L3MBTL3: variants seen among roughly 807,000 people sequenced by gnomAD.
L3MBTL3 encodes L3MBTL histone methyl-lysine binding protein 3.
Under a neutral mutation model 102.3 loss-of-function variants are expected in L3MBTL3, and 27 were observed. That is an observed-to-expected ratio of 0.26 (90% CI 0.19 to 0.36). The LOEUF (loss-of-function observed/expected upper bound fraction) is 0.36, where lower values mean the gene tolerates loss of function less well. Ranked by LOEUF, L3MBTL3 falls within the 10% of genes least tolerant of loss-of-function variation. The pLI, the probability that L3MBTL3 is intolerant of heterozygous loss-of-function variation, is 1.00. For missense variants in L3MBTL3, 798 were observed against 955.3 expected (o/e 0.84, Z 2.17); for synonymous variants, 340 against 320.9 (o/e 1.06, Z -0.64).
rs529686966 is a variant in L3MBTL3 at position 130,141,401 on chromosome 6, G to T, written c.*1648G>T. The T allele has an allele frequency of 6.6e-6, 1 of 152,246 alleles. No individual in the cohort carries two copies. The highest frequency in any genetic ancestry group is 1.9e-4 in the East Asian group (1 of 5,182). 9.4% of individuals were successfully genotyped at this position (152,246 alleles called of 1,614,324 possible). ...GAATTTGTACATTCAAGTTGTACTT[G>T]TTATATCTGACATGAATGAAATAAA... is the stretch of plus-strand genomic sequence containing the variant. On this transcript the variant is annotated 3_prime_UTR_variant, in exon 23 of 23. Coordinates refer to ENST00000361794, the MANE Select transcript of L3MBTL3 (RefSeq NM_032438.4).
chr6:130,031,632 T>G (rs1375114150), intron 2 of L3MBTL3, among the ~76,000 whole-genome samples: 1 of 152,162 alleles, frequency 6.6e-6, no homozygotes, highest in African/African-American at 2.4e-5. Flanking sequence ...TAGTCTTGTT[T>G]AAGTGCAATC....
At chr6:130,078,789 T>G (rs1584386645) in intron 14 of L3MBTL3, among the ~76,000 whole-genome samples, 155 bp downstream of exon 14, 1 of 152,190 alleles carries the variant, frequency 6.6e-6, no homozygotes, top group Non-Finnish European at 1.5e-5. Context: ...AAAACAGCCA[T>G]AGACAATAGG....
intron 1 of L3MBTL3, among the ~76,000 whole-genome samples, chr6:130,021,131 G>C (rs1778986044): frequency 6.6e-6 from 1 of 152,212 alleles, no homozygotes; most frequent in African/African-American, 2.4e-5. Flanking sequence ...CAAGTTTTTA[G>C]AAAAACACTG....
At chr6:130,060,787 TGA>T (rs1279369892) in intron 10 of L3MBTL3, among the ~76,000 whole-genome samples, 1 of 152,102 alleles carries the variant, frequency 6.6e-6, no homozygotes, top group African/African-American at 2.4e-5. Flanking sequence ...CATATATTAC[TGA>T]GAGTACTTTA....
At chr6:130,079,645 A>G (rs772999644) in intron 14 of L3MBTL3, among the ~76,000 whole-genome samples, 4 of 152,144 alleles carry the variant, frequency 2.6e-5, no homozygotes, top group Admixed American at 6.5e-5. Context: ...AGAGAGGATG[A>G]GTCCTGGGTT....
intron 13 of L3MBTL3, among the ~76,000 whole-genome samples, chr6:130,075,510 A>G (rs1367364052): frequency 2.0e-5 from 3 of 152,226 alleles, no homozygotes; most frequent in African/African-American, 4.8e-5. Context: ...GGGATTGATA[A>G]TAATACCTGT....
At chr6:130,057,305 G>T in intron 8 of L3MBTL3, 101 bp from the exon 9 acceptor site, 1 of 859,756 alleles carries the variant, frequency 1.2e-6, no homozygotes, top group Non-Finnish European at 1.9e-6. Context: ...AGTCAGAGAA[G>T]AGCCAGGCAG....
intron 14 of L3MBTL3, among the ~76,000 whole-genome samples, chr6:130,082,663 A>C (rs1196768234): frequency 6.6e-6 from 1 of 152,124 alleles, no homozygotes; most frequent in Non-Finnish European, 1.5e-5. Flanking sequence ...CCATTTCTTC[A>C]AGGTTCCGTG....
At chr6:130,100,198 G>A (rs115145178) in intron 18 of L3MBTL3, among the ~76,000 whole-genome samples, 1,564 of 152,276 alleles carry the variant, frequency 0.01, 18 homozygotes, top group African/African-American at 0.035. Flanking sequence ...CCTGGGTAAT[G>A]CACTTAATCC....
chr6:130,026,618 G>A (rs1409578977), intron 2 of L3MBTL3, among the ~76,000 whole-genome samples: 1 of 151,374 alleles, frequency 6.6e-6, no homozygotes, highest in African/African-American at 2.4e-5. Context: ...ATTGAGAAAA[G>A]ACCAATTATT....
At chr6:130,077,886 A>G (rs1783059016) in intron 13 of L3MBTL3, among the ~76,000 whole-genome samples, 2 of 152,166 alleles carry the variant, frequency 1.3e-5, no homozygotes, top group African/African-American at 4.8e-5. Context: ...CTCGGGTTCC[A>G]TATGATGTTA....
chr6:130,050,778 G>C (rs1781045859), intron 5 of L3MBTL3, among the ~76,000 whole-genome samples: 1 of 152,182 alleles, frequency 6.6e-6, no homozygotes, highest in Non-Finnish European at 1.5e-5. Flanking sequence ...AATTTGGATA[G>C]CTATGAGTCA....
At chr6:130,096,668 G>A (rs1272783690) in intron 18 of L3MBTL3, among the ~76,000 whole-genome samples, 1 of 152,154 alleles carries the variant, frequency 6.6e-6, no homozygotes, top group Non-Finnish European at 1.5e-5. Flanking sequence ...TTCCCCAAGT[G>A]TGCAGGTGGA....
At chr6:130,052,797 A>G (rs1584327332) in intron 6 of L3MBTL3, 62 bp from the exon 7 acceptor site, 4 of 1,530,490 alleles carry the variant, frequency 2.6e-6, no homozygotes, top group East Asian at 4.6e-5. Context: ...ATTGATAATC[A>G]ACAAGTAGAT....
intron 2 of L3MBTL3, among the ~76,000 whole-genome samples, chr6:130,022,538 C>T (rs1333983741): frequency 6.6e-6 from 1 of 152,104 alleles, no homozygotes; most frequent in Non-Finnish European, 1.5e-5. Context: ...TTACTAGATT[C>T]TTAATTAGCA....
intron 16 of L3MBTL3, among the ~76,000 whole-genome samples, chr6:130,091,199 G>A (rs1351086319): frequency 6.6e-6 from 1 of 152,116 alleles, no homozygotes; most frequent in African/African-American, 2.4e-5. Flanking sequence ...GATCCACTCT[G>A]TGATTACAAA....
Position 130,057,479 on chromosome 6 carries a change from G to A in L3MBTL3, c.741G>A (p.Pro247=), listed in dbSNP as rs142020636. 3.6e-4 allele frequency: 586 copies of A among 1,608,934 alleles called. No individual in the cohort carries two copies. Among genetic ancestry groups the A allele is most frequent in the Non-Finnish European group, 4.7e-4 (555 of 1,178,320 alleles). ...YLEEEKAVAV[P]AKLFKEHQSF... is the part of the protein sequence containing the mutation. ...AAGAGGAGAAAGCGGTGGCAGTGCC[G>A]GCGAAGCTGTTCAAGGAGGTACGGG... The change falls in exon 9 of 23, where the codon CCG becomes CCA. Residue 247 remains proline (P), a synonymous_variant. Transcript: ENST00000361794.
chr6:130,037,470 C>T (rs550244848), intron 2 of L3MBTL3, among the ~76,000 whole-genome samples: 4 of 151,616 alleles, frequency 2.6e-5, no homozygotes, highest in East Asian at 3.9e-4. Flanking sequence ...TATAGGCAGT[C>T]GATATCATTG....
intron 14 of L3MBTL3, among the ~76,000 whole-genome samples, chr6:130,082,827 CTG>C (rs1783448734): frequency 6.6e-6 from 1 of 152,188 alleles, no homozygotes; most frequent in Non-Finnish European, 1.5e-5. Context: ...ATGTCTATTT[CTG>C]TGTCTGTTTA....
Sources: gnomAD v4.1 joint callset for allele counts (sites outside exome capture counted in the v4.1 genomes callset) on GRCh38, gnomAD v4.1.1 for gene constraint, MANE v1.5 for transcripts, NCBI Gene and HGNC (gene_info 2026-07-23, HGNC 2026-07-21) for gene names.